Variants in HPSE2 observed in about 807,000 individuals in gnomAD.
HPSE2 encodes inactive heparanase-2.
A neutral mutation model predicts 60.5 loss-of-function variants in HPSE2; 38 were observed. That is an observed-to-expected ratio of 0.63 (90% CI 0.48 to 0.82). HPSE2 has a LOEUF of 0.82. Ranked by LOEUF, HPSE2 falls within the 40% of genes least tolerant of loss-of-function variation. The pLI, the probability that HPSE2 is intolerant of heterozygous loss-of-function variation, is 0.00. For missense variants in HPSE2, 713 were observed against 740.4 expected, an observed-to-expected ratio of 0.96 and a Z score of 0.43; for synonymous variants, 295 against 293.2, an observed-to-expected ratio of 1.01 and a Z score of -0.06.
intron 9 of HPSE2, among the ~76,000 whole-genome samples, chr10:98,570,810 T>C (rs1239282638): frequency 1.4e-5 from 1 of 69,630 alleles, no homozygotes; most frequent in Admixed American, 2.1e-4. Flanking sequence ...TCATGTCTTC[T>C]GGCTCTAAGT....
chr10:98,892,382 T>C (rs1466312463), intron 3 of HPSE2, among the ~76,000 whole-genome samples: 1 of 152,184 alleles, frequency 6.6e-6, no homozygotes, highest in Non-Finnish European at 1.5e-5. Context: ...TAGAATAAAT[T>C]TGAATAAATA....
chr10:99,086,573 C>T (rs1433336379), intron 3 of HPSE2, among the ~76,000 whole-genome samples: 5 of 151,394 alleles, frequency 3.3e-5, no homozygotes, highest in African/African-American at 1.2e-4. Context: ...GGGATGGTCT[C>T]GATCTCCTGA....
intron 6 of HPSE2, among the ~76,000 whole-genome samples, chr10:98,678,936 A>G (rs996926702): frequency 6.6e-6 from 1 of 152,122 alleles, no homozygotes; most frequent in Non-Finnish European, 1.5e-5. Context: ...GAACCAAAAC[A>G]AACAAACAAA....
At chr10:99,178,126 G>C (rs1297253082) in intron 2 of HPSE2, among the ~76,000 whole-genome samples, 2 of 151,896 alleles carry the variant, frequency 1.3e-5, no homozygotes, top group Non-Finnish European at 2.9e-5. Flanking sequence ...GCAGTGTTTA[G>C]GAGGAAATTT....
chr10:99,167,160 G>C, intron 2 of HPSE2, among the ~76,000 whole-genome samples: 1 of 151,980 alleles, frequency 6.6e-6, no homozygotes, highest in East Asian at 1.9e-4. Flanking sequence ...ACAAGCGTGT[G>C]CCACCACACC....
chr10:98,459,646 C>A lies in HPSE2; in HGVS notation c.1707G>T (p.Leu569Phe), dbSNP rs377504467. The A allele has an allele frequency of 6.2e-7, 1 of 1,614,138 alleles. No individual in the cohort carries two copies. The highest frequency in any genetic ancestry group is 8.5e-7 in the Non-Finnish European group (1 of 1,180,030). ...AGCCCATGGTGACTGGAGGGATGAC[C>A]AATGTCCGGCCGGCCCGAAGGGGGC... ...KPRPLRAGRT[L>F]VIPPVTMGFY... The change falls in exon 12 of 12, where the codon TTG (leucine) becomes TTT (phenylalanine). Residue 569 changes from leucine (L) to phenylalanine (F), a missense_variant. Coordinates refer to ENST00000370552, the MANE Select transcript of HPSE2 (RefSeq NM_021828.5).
At chr10:99,179,592 C>T (rs1847673918) in intron 2 of HPSE2, among the ~76,000 whole-genome samples, 1 of 152,048 alleles carries the variant, frequency 6.6e-6, no homozygotes, top group Admixed American at 6.6e-5. Context: ...CAAACCACGG[C>T]TCAAGGAAAT....
At chr10:98,541,198 G>T (rs1389159899) in intron 9 of HPSE2, among the ~76,000 whole-genome samples, 1 of 152,140 alleles carries the variant, frequency 6.6e-6, no homozygotes, top group Non-Finnish European at 1.5e-5. Context: ...GTGTTTCATT[G>T]TTAAAATTAA....
intron 8 of HPSE2, among the ~76,000 whole-genome samples, chr10:98,618,168 G>A (rs1945972235): frequency 6.6e-6 from 1 of 152,146 alleles, no homozygotes; most frequent in Non-Finnish European, 1.5e-5. Context: ...GAGATGGGGA[G>A]CAGAATAAAC....
At chr10:98,985,320 G>C (rs966155695) in intron 3 of HPSE2, among the ~76,000 whole-genome samples, 3 of 152,364 alleles carry the variant, frequency 2.0e-5, no homozygotes, top group African/African-American at 7.2e-5. Context: ...AGCCAGAAGA[G>C]AGTGGGGGCC....
chr10:98,955,810 C>T (rs1336676597), intron 3 of HPSE2, among the ~76,000 whole-genome samples: 5 of 152,098 alleles, frequency 3.3e-5, no homozygotes, highest in Admixed American at 3.3e-4. Flanking sequence ...TTTGCAGGGA[C>T]ATGGATGGAG....
chr10:98,480,176 C>T (rs936410828), intron 11 of HPSE2, among the ~76,000 whole-genome samples: 1 of 151,516 alleles, frequency 6.6e-6, no homozygotes, highest in African/African-American at 2.4e-5. Flanking sequence ...GCAACCTCTG[C>T]CTCCCAGTGA....
chr10:98,554,133 C>T (rs1157726878), intron 9 of HPSE2, among the ~76,000 whole-genome samples: 5 of 152,124 alleles, frequency 3.3e-5, no homozygotes, highest in Non-Finnish European at 7.4e-5. Flanking sequence ...CATCCCATGC[C>T]CACCAAGGCT....
chr10:99,132,634 C>T (rs577618554), intron 3 of HPSE2, among the ~76,000 whole-genome samples: 1 of 152,166 alleles, frequency 6.6e-6, no homozygotes, highest in South Asian at 2.1e-4. Context: ...CCAGGAAGCA[C>T]AAGGGGTCAG....
intron 3 of HPSE2, among the ~76,000 whole-genome samples, chr10:99,036,334 G>T (rs1481533682): frequency 6.6e-6 from 1 of 152,164 alleles, no homozygotes; most frequent in Non-Finnish European, 1.5e-5. Context: ...ATATAGATGA[G>T]CCTGGAGCAT....
intron 11 of HPSE2, among the ~76,000 whole-genome samples, chr10:98,472,012 A>G (rs1189880502): frequency 2.0e-5 from 3 of 152,106 alleles, no homozygotes; most frequent in Non-Finnish European, 2.9e-5. Flanking sequence ...TGTAGCTAAC[A>G]TTGGTTATAG....
chr10:99,070,548 T>C (rs1842755362), intron 3 of HPSE2, among the ~76,000 whole-genome samples: 1 of 152,220 alleles, frequency 6.6e-6, no homozygotes, highest in Admixed American at 6.5e-5. Context: ...AAAAATCAAG[T>C]ATATAATTCA....
intron 9 of HPSE2, among the ~76,000 whole-genome samples, chr10:98,569,354 C>G (rs1944435105): frequency 1.3e-5 from 2 of 152,144 alleles, no homozygotes; most frequent in South Asian, 4.1e-4. Context: ...AGCCACTGCG[C>G]CTGGCCAGAA....
intron 3 of HPSE2, among the ~76,000 whole-genome samples, chr10:98,898,301 A>G (rs1419825423): frequency 1.3e-5 from 2 of 152,192 alleles, no homozygotes; most frequent in Admixed American, 1.3e-4. Flanking sequence ...ATCTTTATTT[A>G]TAATTGCCCC....
Sources: gnomAD v4.1 joint callset for allele counts (sites outside exome capture counted in the v4.1 genomes callset) on GRCh38, gnomAD v4.1.1 for gene constraint, MANE v1.5 for transcripts, NCBI Gene and HGNC (gene_info 2026-07-23, HGNC 2026-07-21) for gene names.